COBL: variants seen among roughly 807,000 people sequenced by gnomAD.
The protein encoded by COBL is protein cordon-bleu.
A neutral mutation model predicts 98.8 loss-of-function variants in COBL; 51 were observed. The observed-to-expected ratio is 0.52, with a 90% confidence interval of 0.41 to 0.65. The LOEUF (loss-of-function observed/expected upper bound fraction) is 0.65. Among genes scored for constraint, COBL ranks in the 30% least tolerant of loss-of-function variants. The probability of loss-of-function intolerance (pLI) is 0.00; values close to 1 mark genes in which losing one functional copy is unlikely to be tolerated. For synonymous variants in COBL, 634 were observed against 651.7 expected (o/e 0.97, Z 0.41); for missense variants, 1,617 against 1,617.5 (o/e 1.00, Z 0.01).
chr7:51,272,088 C>CA (rs1798811459), intron 1 of COBL, among the ~76,000 whole-genome samples: 1 of 152,126 alleles, frequency 6.6e-6, no homozygotes, highest in Admixed American at 6.6e-5. Context: ...GGCCCTCTAT[C>CA]AAAAGATTGC....
chr7:51,275,654 A>G (rs1001281220), intron 1 of COBL, among the ~76,000 whole-genome samples: 3 of 151,728 alleles, frequency 2.0e-5, no homozygotes, highest in African/African-American at 4.8e-5. Context: ...GCCGCCACCA[A>G]CCACCACCAG....
chr7:51,049,167 G>A (rs1287920375), intron 7 of COBL, among the ~76,000 whole-genome samples: 2 of 152,114 alleles, frequency 1.3e-5, no homozygotes, highest in Non-Finnish European at 2.9e-5. Context: ...AAGAAAAATT[G>A]GGAAACCACC....
At chr7:51,194,069 C>T (rs1790374112) in intron 2 of COBL, among the ~76,000 whole-genome samples, 1 of 152,052 alleles carries the variant, frequency 6.6e-6, no homozygotes, top group African/African-American at 2.4e-5. Context: ...ATCCTAGTAC[C>T]CATTAGTTAT....
intron 8 of COBL, among the ~76,000 whole-genome samples, chr7:51,040,617 T>C (rs1789088704): frequency 6.6e-6 from 1 of 152,222 alleles, no homozygotes; most frequent in Non-Finnish European, 1.5e-5. Context: ...AGGTAATGTT[T>C]GGCAAAATTA....
intron 2 of COBL, among the ~76,000 whole-genome samples, chr7:51,208,841 G>A (rs980641395): frequency 2.0e-5 from 3 of 151,988 alleles, no homozygotes; most frequent in Admixed American, 2.0e-4. Flanking sequence ...GATGTGCTTT[G>A]TTAAACAGAT....
At chr7:51,018,972 T>G (rs1786646428) in intron 12 of COBL, among the ~76,000 whole-genome samples, 2 of 140,486 alleles carry the variant, frequency 1.4e-5, no homozygotes, top group Admixed American at 7.2e-5. Flanking sequence ...TTGCAATTTT[T>G]TTTAAGCTCA....
chr7:51,201,708 A>G (rs1791146803), intron 2 of COBL, among the ~76,000 whole-genome samples: 1 of 152,226 alleles, frequency 6.6e-6, no homozygotes, highest in South Asian at 2.1e-4. Flanking sequence ...ATAACAAGTT[A>G]GGTGTCAAAA....
intron 7 of COBL, among the ~76,000 whole-genome samples, chr7:51,063,279 C>T (rs1791570539): frequency 1.3e-5 from 2 of 151,988 alleles, no homozygotes; most frequent in East Asian, 1.9e-4. Context: ...GGATTACAGG[C>T]ACCCACCACC....
chr7:51,232,392 T>C (rs1455954798), intron 1 of COBL, among the ~76,000 whole-genome samples: 1 of 152,150 alleles, frequency 6.6e-6, no homozygotes, highest in Non-Finnish European at 1.5e-5. Context: ...CATCTGGCTG[T>C]GGGCTCTGGA....
chr7:51,305,979 T>G (rs947838880), intron 1 of COBL, among the ~76,000 whole-genome samples: 4 of 151,940 alleles, frequency 2.6e-5, no homozygotes, highest in South Asian at 4.1e-4. Flanking sequence ...GAGGTTGCAG[T>G]GAGCTGAGAT....
intron 7 of COBL, among the ~76,000 whole-genome samples, chr7:51,084,676 C>A (rs573153012): frequency 6.6e-6 from 1 of 152,172 alleles, no homozygotes; most frequent in African/African-American, 2.4e-5. Flanking sequence ...AAATCAGGGT[C>A]TTTGCTAAAT....
chr7:51,269,703 C>T (rs981392214), intron 1 of COBL, among the ~76,000 whole-genome samples: 1 of 152,210 alleles, frequency 6.6e-6, no homozygotes, highest in African/African-American at 2.4e-5. Context: ...TTTATGAAGG[C>T]CAGAGTGAGG....
At chr7:51,316,079 C>T (rs1379287972) in intron 1 of COBL, among the ~76,000 whole-genome samples, 2 of 152,160 alleles carry the variant, frequency 1.3e-5, no homozygotes, top group Non-Finnish European at 2.9e-5. Context: ...CGGGCGGCTG[C>T]GAAGCCGGGG....
At chr7:51,230,104 C>T (rs2129103029) in intron 1 of COBL, among the ~76,000 whole-genome samples, 1 of 152,286 alleles carries the variant, frequency 6.6e-6, no homozygotes, top group Admixed American at 6.5e-5. Context: ...ATGGCCAGGC[C>T]AGCACAGCCC....
intron 5 of COBL, among the ~76,000 whole-genome samples, chr7:51,176,159 C>G (rs949614328): frequency 6.6e-6 from 1 of 152,070 alleles, no homozygotes; most frequent in African/African-American, 2.4e-5. Context: ...TGTGTTGCAC[C>G]TCTTTGGAGA....
intron 7 of COBL, chr7:51,071,826 C>T (rs1792581609): frequency 6.6e-6 from 1 of 151,980 alleles, no homozygotes; most frequent in African/African-American, 2.4e-5. Context: ...TTCAGGTAAA[C>T]ATTACCTTTT....
At chr7:51,039,105 T>C (rs140507735) in intron 8 of COBL, among the ~76,000 whole-genome samples, 4 of 152,178 alleles carry the variant, frequency 2.6e-5, no homozygotes, top group African/African-American at 9.6e-5. Flanking sequence ...ATCAAGGTGG[T>C]GTTGGGTATA....
At chr7:51,273,612 C>A (rs917430) in intron 1 of COBL, among the ~76,000 whole-genome samples, 83,523 of 151,978 alleles carry the variant, frequency 0.55, 23,363 homozygotes, top group African/African-American at 0.65. Flanking sequence ...AGTCCTCAAT[C>A]ATCAGCTCTT....
intron 2 of COBL, among the ~76,000 whole-genome samples, chr7:51,197,396 T>G (rs1031526708): frequency 6.6e-6 from 1 of 152,184 alleles, no homozygotes; most frequent in Non-Finnish European, 1.5e-5. Context: ...TGGTTGTTAT[T>G]ATTTAAGTTT....
Sources: gnomAD v4.1 joint callset for allele counts (sites outside exome capture counted in the v4.1 genomes callset) on GRCh38, gnomAD v4.1.1 for gene constraint, MANE v1.5 for transcripts, NCBI Gene and HGNC (gene_info 2026-07-23, HGNC 2026-07-21) for gene names.